Variants in ESYT2 observed in about 807,000 individuals in gnomAD.
The protein encoded by ESYT2 is extended synaptotagmin 2.
ESYT2 carries 54 observed loss-of-function variants against 107.2 expected under a neutral mutation model. That is an observed-to-expected ratio of 0.50 (90% CI 0.40 to 0.63). ESYT2 has a LOEUF of 0.63. Ranked by LOEUF, ESYT2 falls within the 30% of genes least tolerant of loss-of-function variation. ESYT2 has a pLI of 0.00. For missense variants in ESYT2, 1,020 were observed against 1,094.5 expected, an observed-to-expected ratio of 0.93 and a Z score of 0.96; for synonymous variants, 491 against 434.1, an observed-to-expected ratio of 1.13 and a Z score of -1.63.
chr7:158,792,764 G>GTTTTTTT (rs35348712), intron 4 of ESYT2, among the ~76,000 whole-genome samples: 1 of 117,800 alleles, frequency 8.5e-6, no homozygotes. Flanking sequence ...ATAACGTGGG[G>GTTTTTTT]TTTTTTTTTT....
chr7:158,788,250 T>A, intron 5 of ESYT2, 95 bp downstream of exon 5: 1 of 1,309,594 alleles, frequency 7.6e-7, no homozygotes, highest in Non-Finnish European at 1.1e-6. Context: ...GTCAAAAAAA[T>A]TCCAAGCTAA....
At chr7:158,748,714 T>A (rs1437607832) in intron 15 of ESYT2, among the ~76,000 whole-genome samples, 2 of 151,780 alleles carry the variant, frequency 1.3e-5, no homozygotes, top group African/African-American at 2.4e-5. Flanking sequence ...TTTTTTTTTT[T>A]ATTTTTTATT....
intron 6 of ESYT2, among the ~76,000 whole-genome samples, chr7:158,780,541 A>G (rs1391360079): frequency 1.3e-5 from 2 of 152,278 alleles, no homozygotes; most frequent in African/African-American, 4.8e-5. Flanking sequence ...TACTTTGTCT[A>G]AAACAAAACC....
At chr7:158,822,578 C>T (rs770012234) in intron 1 of ESYT2, among the ~76,000 whole-genome samples, 1 of 151,874 alleles carries the variant, frequency 6.6e-6, no homozygotes, top group African/African-American at 2.4e-5. Flanking sequence ...GCCTGGGCAA[C>T]ATAGCAAGAC....
At chr7:158,764,908 A>G in intron 8 of ESYT2, 55 bp from the exon 9 acceptor site, 2 of 1,566,030 alleles carry the variant, frequency 1.3e-6, no homozygotes, top group African/African-American at 1.4e-5. Context: ...TTTAACTGGC[A>G]TGGAAGATAG....
intron 7 of ESYT2, among the ~76,000 whole-genome samples, chr7:158,771,826 T>C (rs996237636): frequency 2.0e-5 from 3 of 152,138 alleles, no homozygotes; most frequent in Non-Finnish European, 2.9e-5. Flanking sequence ...TTTTTGAAAA[T>C]ATTATTTACT....
chr7:158,826,000 C>T (rs1401781481), intron 1 of ESYT2, among the ~76,000 whole-genome samples: 3 of 148,968 alleles, frequency 2.0e-5, no homozygotes, highest in East Asian at 2.0e-4. Context: ...GCCTGGACAA[C>T]GCGGTAAGAA....
At chr7:158,800,603 T>C (rs1839608074) in intron 1 of ESYT2, among the ~76,000 whole-genome samples, 1 of 152,140 alleles carries the variant, frequency 6.6e-6, no homozygotes, top group African/African-American at 2.4e-5. Context: ...TTGTCTAGGC[T>C]TGTCTTGAAC....
At position 158,752,820 on chromosome 7, in the gene ESYT2, G is replaced by C. The variant is rs760633476; in HGVS notation, c.1443C>G (p.Pro481=). The part of the protein sequence containing the change: ...NLPSNPLEFN[P]DVLKKTAVQR... Reference sequence around the variant, plus strand: ...GAACTGCAGTCTTCTTCAAGACATCGGGGTTAAATTCTAATGGGTTACTCT... The same window carrying C: ...GAACTGCAGTCTTCTTCAAGACATCCGGGTTAAATTCTAATGGGTTACTCT... Residue 481 remains proline (P), a synonymous_variant, in exon 14 of 23, where the codon CCC becomes CCG. Coordinates refer to ENST00000275418, the MANE Select transcript of ESYT2 (RefSeq NM_001367773.1). 7.7e-7 allele frequency: 1 copy of C among 1,303,978 alleles called. No homozygotes were observed. Among genetic ancestry groups the C allele is most frequent in the South Asian group, 1.2e-5 (1 of 81,004 alleles). 80.8% of individuals were successfully genotyped at this position (1,303,978 alleles called of 1,614,324 possible). A position where few individuals can be genotyped will look rare whatever the true frequency, so the allele number is the denominator to read the frequency against.
intron 2 of ESYT2, 90 bp downstream of exon 2, chr7:158,798,941 T>C: frequency 7.5e-7 from 1 of 1,340,880 alleles, no homozygotes; most frequent in Non-Finnish European, 1.0e-6. Context: ...AGCTCAAATA[T>C]TACCAACATG....
Position 158,763,119 on chromosome 7 carries a change from A to AAGAGCTCAAT in ESYT2, c.1138_1147dup (p.Phe383TyrfsTer2). ...GTCATCCTTGTCTGGGTCTTCATCAAAGAGCTCAATCTCTAATTCTTGTCC... is the reference window on the plus strand; with the variant it reads ...GTCATCCTTGTCTGGGTCTTCATCAAAGAGCTCAATAGAGCTCAATCTCTAATTCTTGTCC... On this transcript the variant is annotated stop_gained and frameshift_variant, in exon 10 of 23. Transcript: ENST00000275418. LOFTEE classifies it high-confidence loss of function. 6.2e-7 allele frequency: 1 copy of AAGAGCTCAAT among 1,613,228 alleles called. No individual in the cohort carries two copies. Among genetic ancestry groups the AAGAGCTCAAT allele is most frequent in the East Asian group, 2.2e-5 (1 of 44,792 alleles).
At chr7:158,819,981 AG>A (rs1840245386) in intron 1 of ESYT2, among the ~76,000 whole-genome samples, 1 of 149,470 alleles carries the variant, frequency 6.7e-6, no homozygotes, top group South Asian at 2.1e-4. Context: ...ACAAAACTGA[AG>A]CTGTTATCCG....
At chr7:158,749,759 A>G in intron 14 of ESYT2, 36 bp from the exon 15 acceptor site, 1 of 1,596,166 alleles carries the variant, frequency 6.3e-7, no homozygotes, top group Non-Finnish European at 8.6e-7. Flanking sequence ...CAAAATAAAT[A>G]AACACATTTT....
At chr7:158,825,122 G>A (rs1434331828) in intron 1 of ESYT2, among the ~76,000 whole-genome samples, 1 of 152,128 alleles carries the variant, frequency 6.6e-6, no homozygotes. Flanking sequence ...GTGAAACCCT[G>A]TCTCTACTAA....
intron 16 of ESYT2, among the ~76,000 whole-genome samples, chr7:158,747,741 G>GTT (rs1487618198): frequency 6.6e-6 from 1 of 152,224 alleles, no homozygotes; most frequent in African/African-American, 2.4e-5. Context: ...AGTCTTGTAT[G>GTT]TGATATTCAC....
chr7:158,762,965 G>T, intron 10 of ESYT2, 118 bp downstream of exon 10: 1 of 616,004 alleles, frequency 1.6e-6, no homozygotes, highest in Non-Finnish European at 2.7e-6. Context: ...TTATATCTAA[G>T]AACCATTTAA....
rs1176550959 is a variant in ESYT2, at chr7:158,741,669, C to A, written c.2022G>T (p.Gly674=). Reference sequence around the variant, plus strand: ...AGGAGCTTCTGCCCAGGTCGTGCAGCCCCTGAGGGCCGGCCTCAGGGGGCT... The same window carrying A: ...AGGAGCTTCTGCCCAGGTCGTGCAGACCCTGAGGGCCGGCCTCAGGGGGCT... ...KAQPPEAGPQ[G]LHDLGRSSSS... The change falls in exon 18 of 23, where the codon GGG becomes GGT. Residue 674 remains glycine, a synonymous_variant. Transcript: ENST00000275418. 5.0e-6 allele frequency: 8 copies of A among 1,613,988 alleles called. No homozygotes were observed. The East Asian group carries it at 1.1e-4, about 22-fold the overall frequency.
At position 158,741,645 on chromosome 7, in the gene ESYT2, G is replaced by A. The variant is rs1222586125; in HGVS notation, c.2046C>T (p.Ser682=). The A allele has an allele frequency of 1.2e-5, 20 of 1,613,820 alleles. No individual in the cohort carries two copies. Among genetic ancestry groups the A allele is most frequent in the Non-Finnish European group, 1.7e-5 (20 of 1,180,012 alleles). ...GGCCTGGGGAGGCCAGGAGGCTGGA[G>A]GAGCTTCTGCCCAGGTCGTGCAGCC... ...PQGLHDLGRS[S]SSLLASPGHI... The change falls in exon 18 of 23, where the codon TCC becomes TCT. Residue 682 remains serine, a synonymous_variant. Transcript: ENST00000275418.
At chr7:158,774,982 A>G (rs923924429) in intron 6 of ESYT2, among the ~76,000 whole-genome samples, 15 of 152,204 alleles carry the variant, frequency 9.9e-5, no homozygotes, top group Non-Finnish European at 1.9e-4. Flanking sequence ...AGAGAATACA[A>G]TTCAAAGATG....
Sources: allele counts gnomAD v4.1 joint callset (sites outside exome capture counted in the v4.1 genomes callset), GRCh38; gene constraint gnomAD v4.1.1; transcripts MANE v1.5; gene names NCBI Gene and HGNC (gene_info 2026-07-23, HGNC 2026-07-21).